The following GMEB1 variants were observed in gnomAD, a reference collection of about 807,000 sequenced individuals.
The protein encoded by GMEB1 is glucocorticoid modulatory element-binding protein 1.
Under a neutral mutation model 52.4 loss-of-function variants are expected in GMEB1, and 6 were observed. That is an observed-to-expected ratio of 0.11 (90% CI 0.06 to 0.23). The LOEUF (loss-of-function observed/expected upper bound fraction) is 0.23, where lower values mean the gene tolerates loss of function less well. Among genes scored for constraint, GMEB1 ranks in the 10% least tolerant of loss-of-function variants. GMEB1 has a pLI of 1.00. For synonymous variants in GMEB1, 255 were observed against 244.9 expected (o/e 1.04, Z -0.38); for missense variants, 486 against 685.6 (o/e 0.71, Z 3.25).
Position 28,692,980 on chromosome 1 carries a change from T to C in GMEB1, c.375T>C (p.His125=). 4 of 1,610,238 alleles carry C rather than the reference T, an allele frequency of 2.5e-6. No individual in the cohort carries two copies. The highest frequency in any genetic ancestry group is 3.4e-6 in the Non-Finnish European group (4 of 1,177,780). ...DQLISPKHFV[H]LAGKSTLKDW... ...TGATCAGCCCCAAGCACTTTGTTCATCTGGCTGGCAAGTCCACTCTGAAGG... is the reference window on the plus strand; with the variant it reads ...TGATCAGCCCCAAGCACTTTGTTCACCTGGCTGGCAAGTCCACTCTGAAGG... The change falls in exon 5 of 10, where the codon CAT becomes CAC. Residue 125 remains histidine, a synonymous_variant. Transcript: ENST00000373816.
intron 6 of GMEB1, among the ~76,000 whole-genome samples, chr1:28,699,896 G>A (rs962135387): frequency 4.0e-5 from 6 of 151,054 alleles, no homozygotes; most frequent in African/African-American, 1.5e-4. Flanking sequence ...GCATCTTGTC[G>A]AAAACCCATC....
rs980212821 is a variant in GMEB1 at position 28,715,110 on chromosome 1, A to T, written c.*337A>T. ...TCTGTGTGTGTAGGCATGTGGTTTT[A>T]TTCTTGTAAAGATGCATTGACCAAA... On this transcript the variant is annotated 3_prime_UTR_variant, in exon 10 of 10. Transcript: ENST00000373816. 4.4e-6 allele frequency: 1 copy of T among 229,648 alleles called. No homozygotes were observed. The highest frequency in any genetic ancestry group is 2.3e-5 in the African/African-American group (1 of 44,146). 14.2% of individuals were successfully genotyped at this position (229,648 alleles called of 1,614,324 possible).
At chr1:28,688,296 C>T (rs1249269087) in intron 2 of GMEB1, among the ~76,000 whole-genome samples, 2 of 152,114 alleles carry the variant, frequency 1.3e-5, no homozygotes, top group Non-Finnish European at 2.9e-5. Context: ...GAAACAAACA[C>T]ACATACAAAT....
At chr1:28,679,899 G>C (rs1669320281) in intron 1 of GMEB1, among the ~76,000 whole-genome samples, 1 of 151,318 alleles carries the variant, frequency 6.6e-6, no homozygotes, top group African/African-American at 2.4e-5. Flanking sequence ...TCTGCCTCCC[G>C]GGTTCAAGCA....
intron 6 of GMEB1, among the ~76,000 whole-genome samples, chr1:28,701,846 T>A (rs1670531847): frequency 6.6e-6 from 1 of 152,170 alleles, no homozygotes; most frequent in Admixed American, 6.6e-5. Flanking sequence ...AGGCATGAGC[T>A]ACCACGCCCA....
intron 8 of GMEB1, among the ~76,000 whole-genome samples, chr1:28,707,349 T>C (rs189216035): frequency 6.6e-6 from 1 of 152,174 alleles, no homozygotes; most frequent in Admixed American, 6.6e-5. Context: ...TTCTGGTTGC[T>C]GTGTGGAGAG....
intron 5 of GMEB1, among the ~76,000 whole-genome samples, chr1:28,695,598 T>G (rs927813336): frequency 6.6e-6 from 1 of 151,940 alleles, no homozygotes; most frequent in African/African-American, 2.4e-5. Context: ...ATTTAAAAAA[T>G]TTTTAAATTA....
intron 8 of GMEB1, among the ~76,000 whole-genome samples, chr1:28,709,983 C>T (rs748762391): frequency 6.6e-6 from 1 of 151,894 alleles, no homozygotes; most frequent in African/African-American, 2.4e-5. Context: ...CCCATCTCTA[C>T]TAAAACTACA....
chr1:28,714,172 C>T lies in GMEB1; in HGVS notation c.1091C>T (p.Pro364Leu). The T allele has an allele frequency of 6.2e-7, 1 of 1,614,196 alleles. No individual in the cohort carries two copies. Among genetic ancestry groups the T allele is most frequent in the Non-Finnish European group, 8.5e-7 (1 of 1,180,032 alleles). The change falls in exon 10 of 10, where the codon CCT becomes CTT. Residue 364 changes from proline to leucine, a missense_variant. By Grantham distance (98) the Pro-to-Leu change is moderately conservative. Transcript: ENST00000373816. ...QNVVLMPVST[P>L]KPPKRPRLQR... ...GTGGTACTGATGCCTGTGAGCACTCCTAAGCCTCCAAAAAGGCCCCGGCTC... is the reference window on the plus strand; with the variant it reads ...GTGGTACTGATGCCTGTGAGCACTCTTAAGCCTCCAAAAAGGCCCCGGCTC...
intron 8 of GMEB1, among the ~76,000 whole-genome samples, chr1:28,708,618 C>A (rs1022118695): frequency 1.3e-5 from 2 of 151,842 alleles, no homozygotes; most frequent in Non-Finnish European, 2.9e-5. Flanking sequence ...TGCACCACCA[C>A]GCCTGGCCAA....
chr1:28,693,380 G>A (rs1670052822), intron 5 of GMEB1, among the ~76,000 whole-genome samples: 1 of 151,268 alleles, frequency 6.6e-6, no homozygotes, highest in African/African-American at 2.4e-5. Flanking sequence ...ACCACGCCCA[G>A]CTAATTTTTT....
rs1157094477 is a variant in GMEB1 at position 28,687,381 on chromosome 1, C to CAAAAAAAAAAAAAAAAAA, written c.129-2722_129-2721insAAAAAAAAAAAAAAAAAA. Among the ~76,000 whole-genome samples the CAAAAAAAAAAAAAAAAAA allele has an allele frequency of 7.4e-5, 2 of 27,164 alleles. 1 individual carries two copies. The highest frequency in any genetic ancestry group is 2.5e-4 in the African/African-American group (2 of 8,018). The allele number at this position is 27,164 out of a possible 152,430, so 17.8% of individuals were successfully genotyped here. ...ACACACACACACACACACACACACA[C>CAAAAAAAAAAAAAAAAAA]ACACACAAAAAAAGACAGTGGAGAA... is the stretch of plus-strand genomic sequence containing the variant. On this transcript the variant is annotated intron_variant, in intron 2 of 9. Coordinates refer to ENST00000373816, the MANE Select transcript of GMEB1 (RefSeq NM_001319674.2).
intron 1 of GMEB1, among the ~76,000 whole-genome samples, chr1:28,679,263 C>T (rs541942912): frequency 6.6e-6 from 1 of 152,090 alleles, no homozygotes; most frequent in African/African-American, 2.4e-5. Flanking sequence ...CTGCAACCTC[C>T]ACCTCCTGGG....
intron 9 of GMEB1, among the ~76,000 whole-genome samples, chr1:28,712,400 A>G (rs1409468554): frequency 6.6e-6 from 1 of 151,472 alleles, no homozygotes; most frequent in Non-Finnish European, 1.5e-5. Context: ...GCCTCTCTCC[A>G]CTCCTTGGAG....
At chr1:28,703,011 C>T (rs1670590816) in intron 7 of GMEB1, among the ~76,000 whole-genome samples, 1 of 152,106 alleles carries the variant, frequency 6.6e-6, no homozygotes, top group African/African-American at 2.4e-5. Flanking sequence ...AGCAAGACTC[C>T]ATCTCAAAAA....
At chr1:28,678,335 G>A (rs1453001356) in intron 1 of GMEB1, among the ~76,000 whole-genome samples, 2 of 151,972 alleles carry the variant, frequency 1.3e-5, no homozygotes, top group Non-Finnish European at 2.9e-5. Context: ...TTTTTGAGAC[G>A]GAGTCTCGCT....
rs1347713848 is a variant in GMEB1 at position 28,707,578 on chromosome 1, A to T, written c.869-2942A>T. ...AAAGAAAGATACCGGGATGATTCAC[A>T]CATTTTTGGCCTGAGCTGTGAGTGG... On this transcript the variant is annotated intron_variant, in intron 8 of 9. Transcript: ENST00000373816. Among the ~76,000 whole-genome samples, 4 of 152,202 alleles carry T rather than the reference A, an allele frequency of 2.6e-5. 1 individual carries two copies. Among genetic ancestry groups the T allele is most frequent in the African/African-American group, 7.2e-5 (3 of 41,444 alleles).
chr1:28,688,894 T>TTTTATTTTC lies in GMEB1; in HGVS notation c.129-1207_129-1206insATTTTCTTT, dbSNP rs1354686562. Among the ~76,000 whole-genome samples the TTTTATTTTC allele has an allele frequency of 3.1e-5, 3 of 95,460 alleles. No individual in the cohort carries two copies. In the East Asian group the frequency reaches 2.0e-3, roughly 62 times the overall value. 62.6% of individuals were successfully genotyped at this position (95,460 alleles called of 152,430 possible). On this transcript the variant is annotated intron_variant, in intron 2 of 9. Transcript: ENST00000373816. The stretch of plus-strand genomic sequence containing the variant: ...ATACTATGCCATGGGCATTTAAAGT[T>TTTTATTTTC]TTTTTTTTCTTTTTTGAGACAGAGT...
At chr1:28,693,219 A>ATTTTTTT in intron 5 of GMEB1, among the ~76,000 whole-genome samples, 174 bp downstream of exon 5, 1 of 140,786 alleles carries the variant, frequency 7.1e-6, no homozygotes. Context: ...GACGAGATTG[A>ATTTTTTT]TTTTTTTTTT....
Sources: gnomAD v4.1 joint callset for allele counts (sites outside exome capture counted in the v4.1 genomes callset) on GRCh38, gnomAD v4.1.1 for gene constraint, MANE v1.5 for transcripts, NCBI Gene and HGNC (gene_info 2026-07-23, HGNC 2026-07-21) for gene names.